MSH4: variants seen among roughly 807,000 people sequenced by gnomAD.
MSH4 encodes the protein mutS homolog 4.
A neutral mutation model predicts 113.7 loss-of-function variants in MSH4; 106 were observed. That is an observed-to-expected ratio of 0.93 (90% CI 0.80 to 1.10). MSH4 has a LOEUF of 1.10. Among genes scored for constraint, MSH4 ranks in the 50% least tolerant of loss-of-function variants. The probability of loss-of-function intolerance (pLI) is 0.00; values close to 1 mark genes in which losing one functional copy is unlikely to be tolerated. For missense variants in MSH4, 1,061 were observed against 1,093.7 expected (o/e 0.97, Z 0.42); for synonymous variants, 368 against 380.2 (o/e 0.97, Z 0.37).
chr1:75,900,184 A>G (rs989333040), intron 19 of MSH4, among the ~76,000 whole-genome samples: 2 of 152,188 alleles, frequency 1.3e-5, no homozygotes, highest in African/African-American at 4.8e-5. Flanking sequence ...ACAGGTTCAC[A>G]GAGGTTAAGT....
intron 1 of MSH4, among the ~76,000 whole-genome samples, chr1:75,802,157 A>G (rs1649952503): frequency 6.6e-6 from 1 of 152,218 alleles, no homozygotes; most frequent in African/African-American, 2.4e-5. Flanking sequence ...CTACAGAACG[A>G]GAGTCTCACA....
At chr1:75,861,265 C>G (rs1003788439) in intron 8 of MSH4, among the ~76,000 whole-genome samples, 2 of 152,162 alleles carry the variant, frequency 1.3e-5, no homozygotes, top group African/African-American at 4.8e-5. Context: ...CTACTTCTGT[C>G]AAGTCGTCAA....
rs74764793 is a variant in MSH4 at position 75,900,771 on chromosome 1, T to C, written c.2619+1065T>C. On this transcript the variant is annotated intron_variant, in intron 19 of 19. Coordinates refer to ENST00000263187, the MANE Select transcript of MSH4 (RefSeq NM_002440.4). ...TCCTCTACTGTCTCTGTGACTTCAC[T>C]TGCCTAATTATCTATTTGAATCTCT... 7.5e-3 allele frequency among the ~76,000 whole-genome samples: 1,135 copies of C among 152,286 alleles called. 10 individuals carry two copies. Among genetic ancestry groups the C allele is most frequent in the African/African-American group, 0.026 (1,087 of 41,556 alleles).
intron 14 of MSH4, among the ~76,000 whole-genome samples, chr1:75,882,689 A>AAAAAAC (rs1651961488): frequency 1.5e-5 from 2 of 129,172 alleles, no homozygotes; most frequent in African/African-American, 5.5e-5. Context: ...AAAAAAAAAA[A>AAAAAAC]TCGGTGAGAA....
intron 8 of MSH4, among the ~76,000 whole-genome samples, chr1:75,862,088 G>T (rs1485051784): frequency 6.6e-6 from 1 of 152,158 alleles, no homozygotes; most frequent in African/African-American, 2.4e-5. Flanking sequence ...CGTGGAACCT[G>T]CTGAGCCAGG....
At chr1:75,823,750 G>T (rs963269515) in intron 7 of MSH4, among the ~76,000 whole-genome samples, 1 of 152,086 alleles carries the variant, frequency 6.6e-6, no homozygotes, top group Admixed American at 6.5e-5. Flanking sequence ...TCCTGCATTA[G>T]TTTGCTGAGG....
rs545065590 is a variant in MSH4, at chr1:75,805,513, G to A, written c.428-1468G>A. Among the ~76,000 whole-genome samples the A allele has an allele frequency of 4.0e-5, 6 of 150,476 alleles. No homozygotes were observed. In the East Asian group the frequency reaches 9.9e-4, roughly 25 times the overall value. On this transcript the variant is annotated intron_variant, in intron 2 of 19. Transcript: ENST00000263187. ...AGTGATTCTCCTGCCTCGGCCTCCCGAGTAGCTGGGATTACAGGCATGCAT... is the reference window on the plus strand; with the variant it reads ...AGTGATTCTCCTGCCTCGGCCTCCCAAGTAGCTGGGATTACAGGCATGCAT...
At chr1:75,844,063 G>A (rs932076862) in intron 7 of MSH4, among the ~76,000 whole-genome samples, 22 of 151,924 alleles carry the variant, frequency 1.4e-4, no homozygotes, top group African/African-American at 1.5e-4. Context: ...CACCTGCCTC[G>A]GCCTCCCAAA....
chr1:75,911,981 A>C (rs1652797580), intron 19 of MSH4, among the ~76,000 whole-genome samples: 1 of 152,098 alleles, frequency 6.6e-6, no homozygotes, highest in Non-Finnish European at 1.5e-5. Context: ...TGCAGTCCTG[A>C]AGTTCTATTC....
intron 17 of MSH4, among the ~76,000 whole-genome samples, chr1:75,891,206 TTACC>T (rs1652245247): frequency 6.6e-6 from 1 of 152,140 alleles, no homozygotes; most frequent in South Asian, 2.1e-4. Flanking sequence ...AAAATCTATT[TTACC>T]TACCTAAGTA....
chr1:75,836,114 G>A (rs981506449), intron 7 of MSH4, among the ~76,000 whole-genome samples: 3 of 151,958 alleles, frequency 2.0e-5, no homozygotes, highest in African/African-American at 4.8e-5. Flanking sequence ...CTTTCACATT[G>A]ATTTGGCAAA....
At chr1:75,886,898 A>G (rs1292213278) in intron 15 of MSH4, among the ~76,000 whole-genome samples, 2 of 149,186 alleles carry the variant, frequency 1.3e-5, no homozygotes, top group African/African-American at 4.9e-5. Context: ...TAGAAACTCC[A>G]TAAGAAAGTT....
chr1:75,912,590 G>C (rs5745547), intron 19 of MSH4, 106 bp from the exon 20 acceptor site: 202,315 of 636,628 alleles, frequency 0.32, 33,284 homozygotes, highest in Middle Eastern at 0.41. Flanking sequence ...TAACCCTTGA[G>C]TTCCATATGT....
At chr1:75,849,927 T>C (rs1407642129) in intron 8 of MSH4, among the ~76,000 whole-genome samples, 4 of 152,176 alleles carry the variant, frequency 2.6e-5, no homozygotes, top group Non-Finnish European at 5.9e-5. Context: ...CTTGTGTCTT[T>C]TAAAGAATTT....
chr1:75,856,678 A>G (rs533068329), intron 8 of MSH4, among the ~76,000 whole-genome samples: 2 of 152,184 alleles, frequency 1.3e-5, no homozygotes, highest in South Asian at 2.1e-4. Context: ...TTCTTAATCC[A>G]GTCTATCACT....
intron 15 of MSH4, among the ~76,000 whole-genome samples, chr1:75,887,565 T>C (rs1356397440): frequency 6.6e-6 from 1 of 152,086 alleles, no homozygotes; most frequent in East Asian, 1.9e-4. Context: ...TGTTATCTGG[T>C]TAACACTCAT....
intron 7 of MSH4, among the ~76,000 whole-genome samples, chr1:75,843,588 A>C (rs910324296): frequency 6.6e-6 from 1 of 152,176 alleles, no homozygotes; most frequent in East Asian, 1.9e-4. Context: ...TCTCATGAGA[A>C]TCTATGGTTT....
intron 19 of MSH4, among the ~76,000 whole-genome samples, chr1:75,904,327 A>G (rs12130324): frequency 0.29 from 43,742 of 151,656 alleles, 6,621 homozygotes; most frequent in Middle Eastern, 0.36. Flanking sequence ...AGTTTTCTTT[A>G]TTTGTTGTTT....
chr1:75,886,679 T>C (rs1323008832), intron 15 of MSH4, among the ~76,000 whole-genome samples: 2 of 132,774 alleles, frequency 1.5e-5, no homozygotes, highest in East Asian at 2.3e-4. Flanking sequence ...ATACATTATA[T>C]ACATTATAAT....
Sources: allele counts gnomAD v4.1 joint callset (sites outside exome capture counted in the v4.1 genomes callset), GRCh38; gene constraint gnomAD v4.1.1; transcripts MANE v1.5; gene names NCBI Gene and HGNC (gene_info 2026-07-23, HGNC 2026-07-21).